The following OPCML variants were observed in gnomAD, a reference collection of about 807,000 sequenced individuals.
OPCML encodes opioid-binding protein/cell adhesion molecule.
A neutral mutation model predicts 37.8 loss-of-function variants in OPCML; 13 were observed. That is an observed-to-expected ratio of 0.34 (90% CI 0.22 to 0.55). The LOEUF is 0.55. Among genes scored for constraint, OPCML ranks in the 20% least tolerant of loss-of-function variants. The probability of loss-of-function intolerance (pLI) is 0.91; values close to 1 mark genes in which losing one functional copy is unlikely to be tolerated. For synonymous variants in OPCML, 176 were observed against 168.8 expected (o/e 1.04, Z -0.33); for missense variants, 341 against 435.6 (o/e 0.78, Z 1.93).
intron 1 of OPCML, among the ~76,000 whole-genome samples, chr11:133,350,567 T>C (rs1390453753): frequency 6.6e-6 from 1 of 152,184 alleles, no homozygotes; most frequent in African/African-American, 2.4e-5. Flanking sequence ...GAGCTGAGTT[T>C]AGAGATCCCA....
intron 2 of OPCML, among the ~76,000 whole-genome samples, chr11:132,932,456 C>T (rs1591819225): frequency 6.6e-6 from 1 of 152,164 alleles, no homozygotes; most frequent in Non-Finnish European, 1.5e-5. Flanking sequence ...GTGCGTTTTA[C>T]TTTAAGCAGA....
At chr11:133,032,646 A>G (rs1947696126) in intron 1 of OPCML, among the ~76,000 whole-genome samples, 1 of 152,182 alleles carries the variant, frequency 6.6e-6, no homozygotes, top group South Asian at 2.1e-4. Context: ...CAAAGTAGGT[A>G]CAGAACTCCA....
At chr11:132,972,703 G>A (rs1276721436) in intron 1 of OPCML, among the ~76,000 whole-genome samples, 1 of 152,090 alleles carries the variant, frequency 6.6e-6, no homozygotes, top group Non-Finnish European at 1.5e-5. Context: ...AATGCGCAAG[G>A]ACCGTCAGCC....
chr11:132,995,144 G>C (rs1317153440), intron 1 of OPCML, among the ~76,000 whole-genome samples: 3 of 152,210 alleles, frequency 2.0e-5, no homozygotes, highest in African/African-American at 7.2e-5. Context: ...ATTATGGAGG[G>C]AAATGGTGGT....
chr11:132,588,910 C>A (rs553960529), intron 3 of OPCML, among the ~76,000 whole-genome samples: 1 of 152,266 alleles, frequency 6.6e-6, no homozygotes, highest in Admixed American at 6.5e-5. Flanking sequence ...GATTCTGTTC[C>A]AAGCAATGCA....
Position 132,688,906 on chromosome 11 carries a change from C to T in OPCML, c.147-31587G>A, listed in dbSNP as rs1176145344. 9.5e-5 allele frequency among the ~76,000 whole-genome samples: 3 copies of T among 31,614 alleles called. 1 individual carries two copies. Among genetic ancestry groups the T allele is most frequent in the African/African-American group, 4.4e-4 (3 of 6,752 alleles). 20.7% of individuals were successfully genotyped at this position (31,614 alleles called of 152,430 possible). On this transcript the variant is annotated intron_variant, in intron 2 of 7. Coordinates refer to ENST00000524381, the MANE Select transcript of OPCML (RefSeq NM_001012393.5). ...CGGAGCTTGCAGTGAGCCGAGATTGCGCCACTGCAGTCCGCAGTCCGGCCT... is the reference window on the plus strand; with the variant it reads ...CGGAGCTTGCAGTGAGCCGAGATTGTGCCACTGCAGTCCGCAGTCCGGCCT...
intron 2 of OPCML, among the ~76,000 whole-genome samples, chr11:132,901,823 T>C (rs531058559): frequency 6.6e-6 from 1 of 152,318 alleles, no homozygotes; most frequent in African/African-American, 2.4e-5. Context: ...ATTACTCAAA[T>C]GCATCTTGAT....
chr11:133,133,162 T>A (rs566175026), intron 1 of OPCML, among the ~76,000 whole-genome samples: 1 of 152,274 alleles, frequency 6.6e-6, no homozygotes, highest in East Asian at 1.9e-4. Context: ...CTAATGATAA[T>A]CAGGGCTGAA....
At chr11:132,712,621 GTCA>G (rs1206659483) in intron 2 of OPCML, among the ~76,000 whole-genome samples, 11 of 152,194 alleles carry the variant, frequency 7.2e-5, no homozygotes, top group Non-Finnish European at 1.3e-4. Flanking sequence ...CGCGCCGCGT[GTCA>G]ATAAAACTCT....
intron 1 of OPCML, among the ~76,000 whole-genome samples, chr11:133,530,075 C>T (rs1399019079): frequency 2.0e-5 from 3 of 152,186 alleles, no homozygotes; most frequent in Non-Finnish European, 4.4e-5. Context: ...CCCTGCTCTC[C>T]CCCAGAAGAT....
intron 4 of OPCML, among the ~76,000 whole-genome samples, chr11:132,494,613 AG>A (rs1166125004): frequency 1.3e-5 from 2 of 152,208 alleles, no homozygotes; most frequent in Non-Finnish European, 2.9e-5. Context: ...TTCAGTCATC[AG>A]AAGGAAAAAA....
chr11:132,847,761 T>A (rs1312809459), intron 2 of OPCML, among the ~76,000 whole-genome samples: 1 of 152,342 alleles, frequency 6.6e-6, no homozygotes, highest in African/African-American at 2.4e-5. Context: ...CTCCTTTTAG[T>A]ATTGATTTTT....
intron 1 of OPCML, among the ~76,000 whole-genome samples, chr11:133,315,508 A>C (rs2136606658): frequency 6.6e-6 from 1 of 152,298 alleles, no homozygotes; most frequent in Non-Finnish European, 1.5e-5. Flanking sequence ...GCACATTAAA[A>C]CCATTTCAGG....
intron 1 of OPCML, among the ~76,000 whole-genome samples, chr11:133,351,670 C>T (rs548357904): frequency 3.0e-4 from 45 of 152,234 alleles, no homozygotes; most frequent in African/African-American, 1.0e-3. Flanking sequence ...ATTTGTAACC[C>T]GGTTATTTCC....
intron 2 of OPCML, among the ~76,000 whole-genome samples, chr11:132,815,121 T>C: frequency 6.6e-6 from 1 of 152,308 alleles, no homozygotes; most frequent in Non-Finnish European, 1.5e-5. Flanking sequence ...ACTATTTTAA[T>C]AGTTTCTTAA....
intron 2 of OPCML, among the ~76,000 whole-genome samples, chr11:132,744,433 C>G (rs1056986237): frequency 5.3e-5 from 8 of 152,212 alleles, no homozygotes; most frequent in Non-Finnish European, 1.0e-4. Flanking sequence ...AGTATTTCAA[C>G]TCAGCGCTTT....
At chr11:133,453,392 C>T (rs545265891) in intron 1 of OPCML, among the ~76,000 whole-genome samples, 7 of 152,234 alleles carry the variant, frequency 4.6e-5, no homozygotes, top group East Asian at 1.9e-4. Flanking sequence ...TAAACTCTGA[C>T]GGAAGAAATA....
At chr11:133,311,789 G>C (rs1177586604) in intron 1 of OPCML, among the ~76,000 whole-genome samples, 1 of 152,162 alleles carries the variant, frequency 6.6e-6, no homozygotes, top group Non-Finnish European at 1.5e-5. Context: ...CTGGGGCATA[G>C]AGAAATTATT....
intron 1 of OPCML, among the ~76,000 whole-genome samples, chr11:133,227,530 G>A (rs1022408260): frequency 5.3e-5 from 8 of 152,158 alleles, no homozygotes; most frequent in Non-Finnish European, 1.0e-4. Flanking sequence ...TCCTGGGAGA[G>A]GCTGCTGAGC....
Sources: gnomAD v4.1 joint callset for allele counts (sites outside exome capture counted in the v4.1 genomes callset) on GRCh38, gnomAD v4.1.1 for gene constraint, MANE v1.5 for transcripts, NCBI Gene and HGNC (gene_info 2026-07-23, HGNC 2026-07-21) for gene names.